Variants in TRPM3 observed in about 807,000 individuals in gnomAD.
The protein encoded by TRPM3 is transient receptor potential cation channel subfamily M member 3, also known as long transient receptor potential channel 3.
TRPM3 carries 77 observed loss-of-function variants against 181.2 expected under a neutral mutation model. The observed-to-expected ratio is 0.42, with a 90% CI of 0.35 to 0.51. TRPM3 has a LOEUF of 0.51. Ranked by LOEUF, TRPM3 falls within the 20% of genes least tolerant of loss-of-function variation. The pLI is 0.01. For synonymous variants in TRPM3, 745 were observed against 796.4 expected, an observed-to-expected ratio of 0.94 and a Z score of 1.09; for missense variants, 1,759 against 2,196.7, an observed-to-expected ratio of 0.80 and a Z score of 3.98.
At chr9:71,159,996 C>A (rs1225725974) in intron 1 of TRPM3, among the ~76,000 whole-genome samples, 1 of 151,954 alleles carries the variant, frequency 6.6e-6, no homozygotes, top group African/African-American at 2.4e-5. Context: ...CTATAGGACT[C>A]ACCTCCCTAT....
intron 1 of TRPM3, among the ~76,000 whole-genome samples, chr9:71,307,640 T>C (rs1199049332): frequency 6.6e-6 from 1 of 152,166 alleles, no homozygotes; most frequent in African/African-American, 2.4e-5. Flanking sequence ...TATTCTTTTC[T>C]AATAACACAT....
At chr9:71,085,568 A>T (rs549576300) in intron 1 of TRPM3, among the ~76,000 whole-genome samples, 1 of 151,830 alleles carries the variant, frequency 6.6e-6, no homozygotes, top group Non-Finnish European at 1.5e-5. Context: ...CCAACAAACC[A>T]TGAAAAGCAG....
intron 1 of TRPM3, among the ~76,000 whole-genome samples, chr9:70,981,880 CA>C (rs1221836491): frequency 6.6e-6 from 1 of 152,148 alleles, no homozygotes; most frequent in Non-Finnish European, 1.5e-5. Context: ...GTATTATCCC[CA>C]AACAAATTGG....
intron 1 of TRPM3, among the ~76,000 whole-genome samples, chr9:70,936,549 AGAG>A: frequency 6.6e-6 from 1 of 152,364 alleles, no homozygotes; most frequent in East Asian, 1.9e-4. Flanking sequence ...ATGAGTTAGA[AGAG>A]GAGTGGAAAT....
intron 1 of TRPM3, among the ~76,000 whole-genome samples, chr9:71,369,864 C>T (rs147774401): frequency 2.6e-3 from 398 of 152,284 alleles, no homozygotes; most frequent in African/African-American, 9.1e-3. Flanking sequence ...GGCAAACCTG[C>T]GTCAAAGTCC....
chr9:71,265,836 CTT>C (rs2083356858), intron 1 of TRPM3, among the ~76,000 whole-genome samples: 1 of 152,198 alleles, frequency 6.6e-6, no homozygotes, highest in Non-Finnish European at 1.5e-5. Flanking sequence ...AGTGACTATT[CTT>C]TCTCTCACCT....
At chr9:71,409,823 T>C (rs2093509744) in intron 1 of TRPM3, among the ~76,000 whole-genome samples, 3 of 152,060 alleles carry the variant, frequency 2.0e-5, no homozygotes, top group Admixed American at 2.0e-4. Flanking sequence ...CAGCACCACA[T>C]TGCACTTATT....
At chr9:71,199,813 C>T (rs1338072354) in intron 1 of TRPM3, among the ~76,000 whole-genome samples, 5 of 151,394 alleles carry the variant, frequency 3.3e-5, no homozygotes, top group Admixed American at 6.6e-5. Context: ...TTGATCCTTT[C>T]AAAAAACCAG....
intron 1 of TRPM3, among the ~76,000 whole-genome samples, chr9:70,888,051 G>A (rs892896088): frequency 1.3e-5 from 2 of 152,056 alleles, no homozygotes; most frequent in African/African-American, 4.8e-5. Flanking sequence ...TATTTCCCAC[G>A]GATATCTTCA....
intron 1 of TRPM3, among the ~76,000 whole-genome samples, chr9:70,995,096 G>C (rs545169525): frequency 1.3e-5 from 2 of 152,114 alleles, no homozygotes; most frequent in East Asian, 3.9e-4. Flanking sequence ...CTCTGGGTGT[G>C]TCTGTGTGTG....
chr9:71,284,069 AC>A (rs1180784856), intron 1 of TRPM3, among the ~76,000 whole-genome samples: 1 of 152,042 alleles, frequency 6.6e-6, no homozygotes, highest in East Asian at 1.9e-4. Flanking sequence ...AACTTATTTA[AC>A]CTTTGTGGTC....
chr9:71,202,672 T>G (rs987795306), intron 1 of TRPM3, among the ~76,000 whole-genome samples: 2 of 152,310 alleles, frequency 1.3e-5, no homozygotes, highest in Non-Finnish European at 2.9e-5. Context: ...AACTTCAGTC[T>G]TCCTCACTGT....
chr9:71,419,723 CTTATG>C lies in TRPM3; in HGVS notation c.183+26925_183+26929del, dbSNP rs796642948. Among the ~76,000 whole-genome samples, 29 of 151,926 alleles carry C rather than the reference CTTATG, an allele frequency of 1.9e-4. 1 individual carries two copies. Among genetic ancestry groups the C allele is most frequent in the African/African-American group, 6.7e-4 (28 of 41,502 alleles). ...ACTTAAAATGGATAAAATGTTAAAT[CTTATG>C]TTATGCACATTTTACCACAATTAAA... On this transcript the variant is annotated intron_variant, in intron 1 of 24. Transcript: ENST00000357533.
rs578169410 is a variant in TRPM3, at chr9:70,937,228, AACAG to A, written c.178-72721_178-72718del. ...GGATAAGAGAGGCAGGTAGCATAGA[AACAG>A]ACAGTGAGGTTAGAATTAAATTTAG... is the stretch of plus-strand genomic sequence containing the variant. On this transcript the variant is annotated intron_variant, in intron 1 of 25. Transcript: ENST00000677713. Among the ~76,000 whole-genome samples the A allele has an allele frequency of 2.5e-3, 376 of 152,324 alleles. 1 individual carries two copies. The highest frequency in any genetic ancestry group is 8.7e-3 in the African/African-American group (360 of 41,568).
intron 6 of TRPM3, among the ~76,000 whole-genome samples, chr9:70,805,250 CAGAG>C (rs1027121029): frequency 3.3e-5 from 5 of 149,852 alleles, no homozygotes; most frequent in African/African-American, 9.9e-5. Flanking sequence ...TGGGGGGAGA[CAGAG>C]AGAGACAGAG....
intron 1 of TRPM3, among the ~76,000 whole-genome samples, chr9:70,906,719 G>A (rs1485503842): frequency 1.3e-5 from 2 of 152,024 alleles, no homozygotes; most frequent in Non-Finnish European, 2.9e-5. Flanking sequence ...CCTGGCCAAC[G>A]TGGTGAAACC....
At chr9:70,631,959 A>G (rs2065935641) in intron 12 of TRPM3, among the ~76,000 whole-genome samples, 1 of 152,226 alleles carries the variant, frequency 6.6e-6, no homozygotes, top group African/African-American at 2.4e-5. Flanking sequence ...CAGATGTATT[A>G]TCAAACACTA....
chr9:71,398,207 G>C (rs1418194965), intron 1 of TRPM3, among the ~76,000 whole-genome samples: 1 of 152,176 alleles, frequency 6.6e-6, no homozygotes, highest in Admixed American at 6.5e-5. Context: ...CCTTTGAAAA[G>C]ATATTTTTTA....
chr9:71,128,207 G>C (rs957246226), intron 1 of TRPM3, among the ~76,000 whole-genome samples: 1 of 152,096 alleles, frequency 6.6e-6, no homozygotes, highest in Non-Finnish European at 1.5e-5. Flanking sequence ...TTATGAGAGG[G>C]AATCATATAT....
Sources: gnomAD v4.1 joint callset for allele counts (sites outside exome capture counted in the v4.1 genomes callset) on GRCh38, gnomAD v4.1.1 for gene constraint, MANE v1.5 for transcripts, NCBI Gene and HGNC (gene_info 2026-07-23, HGNC 2026-07-21) for gene names.